The following RBMS1 variants were observed in gnomAD, a reference collection of about 807,000 sequenced individuals.
RBMS1 encodes the protein RNA binding motif single stranded interacting protein 1, also known as RNA-binding motif, single-stranded-interacting protein 1.
RBMS1 carries 17 observed loss-of-function variants against 62.3 expected under a neutral mutation model. That is an observed-to-expected ratio of 0.27 (90% CI 0.19 to 0.41). The LOEUF is 0.41. RBMS1 is among the 10% of genes least tolerant of loss of function. The pLI is 1.00. For synonymous variants in RBMS1, 172 were observed against 170.0 expected (o/e 1.01, Z -0.09); for missense variants, 334 against 504.5 (o/e 0.66, Z 3.24).
At chr2:160,468,377 T>C (rs942732510) in intron 1 of RBMS1, among the ~76,000 whole-genome samples, 2 of 152,224 alleles carry the variant, frequency 1.3e-5, no homozygotes, top group South Asian at 4.1e-4. Context: ...AGTTTTGGAC[T>C]GTTTGCCAAC....
At chr2:160,386,125 G>A (rs994327759) in intron 1 of RBMS1, among the ~76,000 whole-genome samples, 2 of 152,204 alleles carry the variant, frequency 1.3e-5, no homozygotes, top group African/African-American at 4.8e-5. Context: ...GGCGTAAGCA[G>A]CTAAATTAAT....
intron 1 of RBMS1, among the ~76,000 whole-genome samples, chr2:160,380,880 T>C (rs1040150506): frequency 6.6e-6 from 1 of 152,208 alleles, no homozygotes; most frequent in African/African-American, 2.4e-5. Context: ...ACATAAAAAT[T>C]GCTCAAATTA....
At chr2:160,478,878 T>C (rs1685247224) in intron 1 of RBMS1, among the ~76,000 whole-genome samples, 1 of 152,188 alleles carries the variant, frequency 6.6e-6, no homozygotes, top group South Asian at 2.1e-4. Context: ...AGCCTAATTG[T>C]ATGATGATTC....
intron 1 of RBMS1, among the ~76,000 whole-genome samples, chr2:160,466,582 C>T (rs1007494348): frequency 7.9e-5 from 12 of 152,284 alleles, no homozygotes; most frequent in East Asian, 1.9e-4. Context: ...ACAACACACA[C>T]AAAAACAAAA....
intron 1 of RBMS1, among the ~76,000 whole-genome samples, chr2:160,484,877 A>AG (rs2105362515): frequency 6.6e-6 from 1 of 151,618 alleles, no homozygotes; most frequent in South Asian, 2.1e-4. Flanking sequence ...TCTCAAAAAA[A>AG]AAAAAAAATT....
intron 1 of RBMS1, among the ~76,000 whole-genome samples, chr2:160,448,862 T>G (rs923458393): frequency 9.4e-4 from 137 of 146,426 alleles, no homozygotes; most frequent in Non-Finnish European, 1.7e-3. Flanking sequence ...CGTCTCTGCC[T>G]GGCCGCCCAT....
chr2:160,480,770 A>C (rs2105356310), intron 1 of RBMS1, among the ~76,000 whole-genome samples: 1 of 152,296 alleles, frequency 6.6e-6, no homozygotes, highest in East Asian at 1.9e-4. Context: ...GAGAATACGC[A>C]CTTACTATAT....
At chr2:160,338,692 G>A (rs541457953) in intron 2 of RBMS1, among the ~76,000 whole-genome samples, 306 of 152,246 alleles carry the variant, frequency 2.0e-3, no homozygotes, top group African/African-American at 7.0e-3. Flanking sequence ...CAACACCTTT[G>A]ACATAATTGG....
chr2:160,405,746 ACCC>A (rs751048547), intron 1 of RBMS1, among the ~76,000 whole-genome samples: 2 of 152,162 alleles, frequency 1.3e-5, no homozygotes, highest in African/African-American at 4.8e-5. Context: ...CCAGCAGGCT[ACCC>A]CCCTTCACAC....
intron 2 of RBMS1, among the ~76,000 whole-genome samples, chr2:160,356,767 A>G (rs969999076): frequency 1.3e-5 from 2 of 152,148 alleles, no homozygotes; most frequent in African/African-American, 4.8e-5. Flanking sequence ...AATTTGTGGT[A>G]TTCTATTATA....
At chr2:160,412,202 A>G (rs953231105) in intron 1 of RBMS1, among the ~76,000 whole-genome samples, 1 of 152,248 alleles carries the variant, frequency 6.6e-6, no homozygotes, top group Non-Finnish European at 1.5e-5. Context: ...GATGACACAC[A>G]TAGGTAATAA....
chr2:160,377,433 G>C (rs922775197), intron 1 of RBMS1, among the ~76,000 whole-genome samples: 4 of 152,164 alleles, frequency 2.6e-5, no homozygotes, highest in African/African-American at 9.7e-5. Context: ...ATTTGGGGTG[G>C]GGTCAAGTTT....
At chr2:160,448,325 C>G (rs1235135742) in intron 1 of RBMS1, among the ~76,000 whole-genome samples, 1 of 147,554 alleles carries the variant, frequency 6.8e-6, no homozygotes, top group Non-Finnish European at 1.5e-5. Context: ...CCTCTTTGCA[C>G]GGTCTCCCTC....
intron 4 of RBMS1, among the ~76,000 whole-genome samples, chr2:160,311,226 A>C (rs1239435727): frequency 0.12 from 9,111 of 73,886 alleles, 652 homozygotes; most frequent in East Asian, 0.23. Context: ...CTATCTATCT[A>C]TCTATCTATA....
chr2:160,346,302 G>T (rs534167764), intron 2 of RBMS1, among the ~76,000 whole-genome samples: 9 of 152,142 alleles, frequency 5.9e-5, no homozygotes, highest in Non-Finnish European at 8.8e-5. Context: ...CAAACACTAA[G>T]CAAAGTGGGC....
intron 1 of RBMS1, among the ~76,000 whole-genome samples, chr2:160,469,530 A>G (rs955476813): frequency 2.6e-5 from 4 of 152,126 alleles, no homozygotes; most frequent in Non-Finnish European, 5.9e-5. Context: ...GTTGGCTAAC[A>G]CTCTGCAAGA....
intron 1 of RBMS1, among the ~76,000 whole-genome samples, chr2:160,479,915 G>A (rs745806402): frequency 2.6e-5 from 4 of 152,122 alleles, no homozygotes; most frequent in Non-Finnish European, 4.4e-5. Context: ...GTTCTATGTA[G>A]TTGTTTTTGG....
Position 160,318,229 on chromosome 2 carries a change from T to TAAA in RBMS1, c.252-5_252-3dup, listed in dbSNP as rs5835799. ...TTTGTGGAGACTATTTTCCCATATC[T>TAAA]AAAAAAAAAAAAAAAAAAAAAAAGG... On this transcript the variant is annotated splice_polypyrimidine_tract_variant and splice_region_variant and intron_variant, in intron 2 of 13. Coordinates refer to ENST00000348849, the MANE Select transcript of RBMS1 (RefSeq NM_016836.4). 8.3e-4 allele frequency: 963 copies of TAAA among 1,163,014 alleles called. No homozygotes were observed. Among genetic ancestry groups the TAAA allele is most frequent in the South Asian group, 2.2e-3 (109 of 49,480 alleles). 72.0% of individuals were successfully genotyped at this position (1,163,014 alleles called of 1,614,324 possible). A position where few individuals can be genotyped will look rare whatever the true frequency, so the allele number is the denominator to read the frequency against.
intron 1 of RBMS1, among the ~76,000 whole-genome samples, chr2:160,367,955 C>T (rs1046064474): frequency 6.6e-6 from 1 of 152,138 alleles, no homozygotes; most frequent in Non-Finnish European, 1.5e-5. Context: ...CTGCCTTTCG[C>T]TCTGGCTAAC....
Sources: allele counts gnomAD v4.1 joint callset (sites outside exome capture counted in the v4.1 genomes callset), GRCh38; gene constraint gnomAD v4.1.1; transcripts MANE v1.5; gene names NCBI Gene and HGNC (gene_info 2026-07-23, HGNC 2026-07-21).